Variants in SCAI observed in about 807,000 individuals in gnomAD.
SCAI encodes suppressor of cancer cell invasion, also known as protein SCAI.
In SCAI, 24 loss-of-function variants were observed where a neutral mutation model predicts 92.2. That is an observed-to-expected ratio of 0.26 (90% CI 0.19 to 0.37). The LOEUF is 0.37. Among genes scored for constraint, SCAI ranks in the 10% least tolerant of loss-of-function variants. The pLI, the probability that SCAI is intolerant of heterozygous loss-of-function variation, is 1.00. For missense variants in SCAI, 450 were observed against 736.2 expected, an observed-to-expected ratio of 0.61 and a Z score of 4.50; for synonymous variants, 261 against 258.6, an observed-to-expected ratio of 1.01 and a Z score of -0.09.
At chr9:125,052,408 T>TA (rs2131131000) in intron 3 of SCAI, among the ~76,000 whole-genome samples, 1 of 152,072 alleles carries the variant, frequency 6.6e-6, no homozygotes, top group African/African-American at 2.4e-5. Flanking sequence ...CCGTTTCTAC[T>TA]AAAAATACAA....
intron 2 of SCAI, among the ~76,000 whole-genome samples, chr9:125,112,280 G>A (rs546302176): frequency 3.0e-4 from 46 of 152,064 alleles, no homozygotes; most frequent in African/African-American, 1.0e-3. Flanking sequence ...GCCAAGAAAA[G>A]TCTCAAGAAA....
chr9:125,023,550 T>A (rs1472228570), intron 6 of SCAI, among the ~76,000 whole-genome samples: 1 of 152,186 alleles, frequency 6.6e-6, no homozygotes, highest in East Asian at 1.9e-4. Flanking sequence ...GTATCATGGA[T>A]TATACAACCA....
chr9:124,991,790 T>C (rs921671205), intron 14 of SCAI, among the ~76,000 whole-genome samples: 1 of 151,986 alleles, frequency 6.6e-6, no homozygotes, highest in Admixed American at 6.6e-5. Flanking sequence ...TGAGCCAAGA[T>C]TGCACCACTG....
chr9:125,010,022 G>A (rs1049692097), intron 9 of SCAI, among the ~76,000 whole-genome samples: 4 of 152,200 alleles, frequency 2.6e-5, no homozygotes, highest in African/African-American at 9.7e-5. Flanking sequence ...GTGAAACCCT[G>A]TCTCTACTAA....
intron 6 of SCAI, 25 bp from the exon 7 acceptor site, chr9:125,020,794 C>G: frequency 9.9e-7 from 1 of 1,011,874 alleles, no homozygotes; most frequent in East Asian, 2.6e-5. Context: ...TGAAAAATTA[C>G]TCATTAGATT....
intron 2 of SCAI, among the ~76,000 whole-genome samples, chr9:125,132,979 A>G (rs1221623468): frequency 6.6e-6 from 1 of 151,956 alleles, no homozygotes; most frequent in East Asian, 1.9e-4. Flanking sequence ...ATAAATAAAT[A>G]AATAAAAGCA....
chr9:125,096,187 G>C (rs1209584120), intron 2 of SCAI, among the ~76,000 whole-genome samples: 1 of 152,190 alleles, frequency 6.6e-6, no homozygotes, highest in East Asian at 1.9e-4. Flanking sequence ...ATGGCAGAAG[G>C]CAAGGAGGAG....
chr9:125,077,097 C>T (rs1285152375), intron 2 of SCAI, among the ~76,000 whole-genome samples: 1 of 152,162 alleles, frequency 6.6e-6, no homozygotes, highest in Non-Finnish European at 1.5e-5. Flanking sequence ...GTTGGAAGCG[C>T]CACTGCACTC....
intron 2 of SCAI, among the ~76,000 whole-genome samples, chr9:125,086,036 T>G (rs1463001446): frequency 1.3e-5 from 2 of 152,194 alleles, no homozygotes; most frequent in African/African-American, 4.8e-5. Context: ...TAAACTGACT[T>G]AGTACCACCA....
intron 2 of SCAI, chr9:125,142,224 A>G (rs1053034771): frequency 1.8e-5 from 3 of 167,272 alleles, no homozygotes; most frequent in African/African-American, 7.3e-5. Flanking sequence ...CTGGTCTTGA[A>G]CTCCCAGGCT....
intron 14 of SCAI, among the ~76,000 whole-genome samples, chr9:124,980,600 G>C (rs1252532603): frequency 2.0e-5 from 3 of 152,082 alleles, no homozygotes; most frequent in Admixed American, 1.3e-4. Flanking sequence ...TAAAAACCCT[G>C]GTTGCTGAGT....
intron 2 of SCAI, among the ~76,000 whole-genome samples, chr9:125,073,325 C>T (rs568744240): frequency 3.3e-5 from 5 of 151,140 alleles, no homozygotes; most frequent in East Asian, 1.9e-4. Context: ...AGGATGGTCT[C>T]GATCTCCTGA....
In SCAI at chr9:125,055,764, A is replaced by T. The variant is rs1003465786; in HGVS notation, c.230+112T>A. 6 of 790,134 alleles carry T rather than the reference A, an allele frequency of 7.6e-6. No homozygotes were observed. The Admixed American group carries it at 1.7e-4, about 22-fold the overall frequency. The allele number at this position is 790,134 out of a possible 1,614,324, so 48.9% of individuals were successfully genotyped here. On this transcript the variant is annotated intron_variant, in intron 3 of 17. Transcript: ENST00000336505. ...GAAAAAATCATGATCACTCTAATAC[A>T]GAAATTTATATGACATTCTACCCAT...
intron 5 of SCAI, 97 bp from the exon 6 acceptor site, chr9:125,027,007 G>C (rs981965389): frequency 3.0e-5 from 16 of 531,724 alleles, no homozygotes; most frequent in Non-Finnish European, 4.8e-5. Context: ...TCTGTGGCAC[G>C]GGGTGCGGGG....
chr9:125,054,557 T>G (rs1007436776), intron 3 of SCAI, among the ~76,000 whole-genome samples: 1 of 151,650 alleles, frequency 6.6e-6, no homozygotes, highest in African/African-American at 2.4e-5. Flanking sequence ...AAAAAAAGTC[T>G]AAGTATGCAA....
intron 2 of SCAI, among the ~76,000 whole-genome samples, chr9:125,114,390 A>C (rs1290551597): frequency 6.6e-6 from 1 of 152,144 alleles, no homozygotes; most frequent in Non-Finnish European, 1.5e-5. Context: ...GAATGAAATA[A>C]AGTTTTTTCC....
chr9:125,119,475 A>T (rs917948249), intron 2 of SCAI, among the ~76,000 whole-genome samples: 4 of 152,234 alleles, frequency 2.6e-5, no homozygotes, highest in African/African-American at 9.6e-5. Context: ...GTAAAATGAA[A>T]GACAGTGAAA....
chr9:125,059,205 C>A (rs962518093), intron 2 of SCAI, among the ~76,000 whole-genome samples: 1 of 152,152 alleles, frequency 6.6e-6, no homozygotes, highest in African/African-American at 2.4e-5. Flanking sequence ...CTGTTCCTGT[C>A]AAAGTTCTGT....
At chr9:125,131,584 G>T (rs1430354901) in intron 2 of SCAI, among the ~76,000 whole-genome samples, 1 of 152,064 alleles carries the variant, frequency 6.6e-6, no homozygotes, top group Non-Finnish European at 1.5e-5. Context: ...GAAAATCACT[G>T]CTTAACTCTT....
Sources: allele counts gnomAD v4.1 joint callset (sites outside exome capture counted in the v4.1 genomes callset), GRCh38; gene constraint gnomAD v4.1.1; transcripts MANE v1.5; gene names NCBI Gene and HGNC (gene_info 2026-07-23, HGNC 2026-07-21).